SHISA9: variants seen among roughly 807,000 people sequenced by gnomAD.
SHISA9 encodes the protein shisa family member 9.
Under a neutral mutation model 38.0 loss-of-function variants are expected in SHISA9, and 13 were observed. That is an observed-to-expected ratio of 0.34 (90% CI 0.22 to 0.54). SHISA9 has a LOEUF of 0.54. Among genes scored for constraint, SHISA9 ranks in the 20% least tolerant of loss-of-function variants. The pLI is 0.91. For missense variants in SHISA9, 538 were observed against 575.8 expected (o/e 0.93, Z 0.67); for synonymous variants, 275 against 242.0 (o/e 1.14, Z -1.27).
At chr16:13,049,179 TGTGTGTGTGTG>T (rs1421455667) in intron 2 of SHISA9, among the ~76,000 whole-genome samples, 5 of 151,480 alleles carry the variant, frequency 3.3e-5, no homozygotes, top group African/African-American at 1.2e-4. Context: ...TGTGTGTGTG[TGTGTGTGTGTG>T]TGTGTGTGTG....
At chr16:13,214,844 A>G (rs999089519) in intron 4 of SHISA9, among the ~76,000 whole-genome samples, 2 of 152,064 alleles carry the variant, frequency 1.3e-5, no homozygotes, top group Admixed American at 6.6e-5. Flanking sequence ...CCATAATTCA[A>G]TCATCTCCCA....
At chr16:13,293,070 T>C in the SHISA9 span, among the ~76,000 whole-genome samples, 1 of 152,130 alleles carries the variant, frequency 6.6e-6, no homozygotes, top group Admixed American at 6.6e-5. Flanking sequence ...GCTACTGTAT[T>C]TACTGGAGCA....
At chr16:13,232,797 G>A (rs541060177) in intron 4 of SHISA9, among the ~76,000 whole-genome samples, 8 of 152,194 alleles carry the variant, frequency 5.3e-5, no homozygotes, top group African/African-American at 7.2e-5. Flanking sequence ...GAATGTTCAG[G>A]TGAAGATAAA....
At chr16:13,103,888 C>A (rs2073902055) in intron 2 of SHISA9, among the ~76,000 whole-genome samples, 1 of 152,132 alleles carries the variant, frequency 6.6e-6, no homozygotes, top group Non-Finnish European at 1.5e-5. Flanking sequence ...TAAAGATTTC[C>A]AGAGCATTGG....
At chr16:13,156,399 C>T (rs1596688075) in intron 2 of SHISA9, among the ~76,000 whole-genome samples, 2 of 152,286 alleles carry the variant, frequency 1.3e-5, no homozygotes, top group Non-Finnish European at 1.5e-5. Context: ...GCACACAATC[C>T]TGCCAACACT....
the SHISA9 span, among the ~76,000 whole-genome samples, chr16:13,420,932 C>A: frequency 3.9e-5 from 6 of 152,162 alleles, no homozygotes; most frequent in East Asian, 1.2e-3. Flanking sequence ...CTGCTCCCAG[C>A]GAAACAGCTA....
the SHISA9 span, among the ~76,000 whole-genome samples, chr16:13,524,733 A>AT: frequency 9.7e-4 from 141 of 145,782 alleles, no homozygotes; most frequent in Middle Eastern, 3.5e-3. Context: ...TAATTTTTTA[A>AT]TTTTTTTTTT....
chr16:13,274,795 A>G, the SHISA9 span, among the ~76,000 whole-genome samples: 1 of 152,192 alleles, frequency 6.6e-6, no homozygotes, highest in Non-Finnish European at 1.5e-5. Context: ...TTTGGAGGAA[A>G]TCCAGTGAAA....
intron 2 of SHISA9, among the ~76,000 whole-genome samples, chr16:12,934,557 A>G (rs549273419): frequency 1.3e-5 from 2 of 152,206 alleles, no homozygotes; most frequent in Admixed American, 6.5e-5. Flanking sequence ...GAAGAAAGCT[A>G]TTGGATTAAT....
At chr16:12,985,249 A>G (rs867351280) in intron 2 of SHISA9, among the ~76,000 whole-genome samples, 7 of 138,636 alleles carry the variant, frequency 5.0e-5, no homozygotes, top group African/African-American at 1.5e-4. Context: ...AAGTAAATAA[A>G]TAAATAAATA....
intron 2 of SHISA9, among the ~76,000 whole-genome samples, chr16:13,173,029 G>A (rs2142023006): frequency 6.6e-6 from 1 of 152,070 alleles, no homozygotes; most frequent in East Asian, 1.9e-4. Context: ...ATGCTTTAAT[G>A]ACCCCGATAA....
chr16:12,996,469 A>C (rs1275983172), intron 2 of SHISA9, among the ~76,000 whole-genome samples: 1 of 152,032 alleles, frequency 6.6e-6, no homozygotes, highest in Admixed American at 6.6e-5. Flanking sequence ...GTTACCACTT[A>C]CCATCTTTCC....
intron 2 of SHISA9, among the ~76,000 whole-genome samples, chr16:13,012,568 C>T (rs2072691879): frequency 6.6e-6 from 1 of 152,146 alleles, no homozygotes; most frequent in South Asian, 2.1e-4. Context: ...TAATGAGAAA[C>T]TTCTGGTACC....
chr16:13,045,061 A>C (rs1374532649), intron 2 of SHISA9, among the ~76,000 whole-genome samples: 1 of 152,192 alleles, frequency 6.6e-6, no homozygotes, highest in Non-Finnish European at 1.5e-5. Context: ...CCTGATCTGT[A>C]AGATGGGGAC....
intron 2 of SHISA9, among the ~76,000 whole-genome samples, chr16:12,984,361 T>G (rs570883798): frequency 3.9e-5 from 6 of 152,358 alleles, no homozygotes; most frequent in African/African-American, 1.4e-4. Flanking sequence ...AGCTGCCTTT[T>G]ACTTTACCCC....
At chr16:13,314,306 C>T in the SHISA9 span, among the ~76,000 whole-genome samples, 4 of 152,028 alleles carry the variant, frequency 2.6e-5, no homozygotes, top group African/African-American at 7.3e-5. Flanking sequence ...CTCCGCCTCC[C>T]GGGTTCAACC....
chr16:13,548,301 C>T, the SHISA9 span, among the ~76,000 whole-genome samples: 2 of 151,978 alleles, frequency 1.3e-5, no homozygotes, highest in East Asian at 3.9e-4. Context: ...TTGGTCTGGG[C>T]CAGGATATTT....
Position 13,147,411 on chromosome 16 carries a change from T to C in SHISA9, c.692-55983T>C, listed in dbSNP as rs2050456816. Among the ~76,000 whole-genome samples the C allele has an allele frequency of 2.6e-5, 4 of 151,868 alleles. No individual in the cohort carries two copies. In the South Asian group the frequency reaches 8.3e-4, roughly 32 times the overall value. On this transcript the variant is annotated intron_variant, in intron 2 of 4. Coordinates refer to ENST00000558583, the MANE Select transcript of SHISA9 (RefSeq NM_001145204.3). ...CTTTAAGGCTAGGGATTTTTTTTCT[T>C]CTAAGCTACACTGTGTTTTCTTCAT...
chr16:13,073,255 T>C (rs2073540411), intron 2 of SHISA9, among the ~76,000 whole-genome samples: 1 of 150,038 alleles, frequency 6.7e-6, no homozygotes, highest in South Asian at 2.1e-4. Context: ...ACAGGACTTA[T>C]CATTTCTTGA....
Sources: allele counts gnomAD v4.1 joint callset (sites outside exome capture counted in the v4.1 genomes callset), GRCh38; gene constraint gnomAD v4.1.1; transcripts MANE v1.5; gene names NCBI Gene and HGNC (gene_info 2026-07-23, HGNC 2026-07-21).